FAT3: variants seen among roughly 807,000 people sequenced by gnomAD.
FAT3 encodes protocadherin Fat 3.
A neutral mutation model predicts 310.2 loss-of-function variants in FAT3; 95 were observed. That is an observed-to-expected ratio of 0.31 (90% CI 0.26 to 0.36). FAT3 has a LOEUF of 0.36. Ranked by LOEUF, FAT3 falls within the 10% of genes least tolerant of loss-of-function variation. FAT3 has a pLI of 1.00. For synonymous variants in FAT3, 2,314 were observed against 2,192.9 expected, an observed-to-expected ratio of 1.06 and a Z score of -1.54; for missense variants, 5,408 against 5,715.6, an observed-to-expected ratio of 0.95 and a Z score of 1.74.
intron 2 of FAT3, among the ~76,000 whole-genome samples, chr11:92,369,440 C>T (rs1393456767): frequency 6.6e-6 from 1 of 152,142 alleles, no homozygotes. Context: ...TGTTACTGAA[C>T]CAACAGACAA....
chr11:92,585,579 GT>G (rs1327631361), intron 3 of FAT3, among the ~76,000 whole-genome samples: 1 of 151,996 alleles, frequency 6.6e-6, no homozygotes. Context: ...TGCTTTACAT[GT>G]ATGAACATGT....
At chr11:92,229,507 G>GTTTTTTTTTTTTTTTTTTTTTTT (rs1565339350) in intron 1 of FAT3, among the ~76,000 whole-genome samples, 1 of 58,160 alleles carries the variant, frequency 1.7e-5, no homozygotes, top group African/African-American at 6.4e-5. Flanking sequence ...TTTTTTTTTT[G>GTTTTTTTTTTTTTTTTTTTTTTT]TTTTTTGTTT....
At chr11:92,534,031 T>C (rs1007988172) in intron 3 of FAT3, among the ~76,000 whole-genome samples, 16 of 152,344 alleles carry the variant, frequency 1.1e-4, no homozygotes, top group Admixed American at 6.5e-4. Context: ...ACTACATTGC[T>C]TTATTACTTT....
chr11:92,727,538 A>G (rs993925761), intron 4 of FAT3, among the ~76,000 whole-genome samples: 1 of 152,222 alleles, frequency 6.6e-6, no homozygotes, highest in Non-Finnish European at 1.5e-5. Context: ...AAAATTATAT[A>G]ATAGAAAATG....
rs1406841657 is a variant in FAT3 at position 92,441,280 on chromosome 11, TGG to T, written c.3293-83353_3293-83352del. Among the ~76,000 whole-genome samples the T allele has an allele frequency of 7.9e-5, 12 of 152,346 alleles. No homozygotes were observed. In the East Asian group the frequency reaches 2.1e-3, roughly 27 times the overall value. ...TTTAGTGTTGGTTTACTTTTATCTG[TGG>T]CTGTTTTGGCAGCAGGAATTATATC... On this transcript the variant is annotated intron_variant, in intron 2 of 27. Coordinates refer to ENST00000525166, the MANE Select transcript of FAT3 (RefSeq NM_001367949.2).
chr11:92,245,782 GT>G, intron 1 of FAT3, among the ~76,000 whole-genome samples: 1 of 152,174 alleles, frequency 6.6e-6, no homozygotes, highest in Non-Finnish European at 1.5e-5. Flanking sequence ...GATTTGGCCA[GT>G]GAGCTGTAGT....
At chr11:92,840,145 T>G (rs1948500621) in intron 17 of FAT3, among the ~76,000 whole-genome samples, 1 of 152,182 alleles carries the variant, frequency 6.6e-6, no homozygotes, top group South Asian at 2.1e-4. Flanking sequence ...GTGTTGGGCC[T>G]CAGCATAATT....
chr11:92,760,600 C>T (rs1463803947), intron 4 of FAT3, among the ~76,000 whole-genome samples: 1 of 152,136 alleles, frequency 6.6e-6, no homozygotes, highest in African/African-American at 2.4e-5. Flanking sequence ...CTAGCTTTAC[C>T]ACTTATTAAC....
chr11:92,691,395 G>A (rs892486515), intron 3 of FAT3, among the ~76,000 whole-genome samples: 1 of 152,044 alleles, frequency 6.6e-6, no homozygotes, highest in Non-Finnish European at 1.5e-5. Context: ...TTTGGTTTAC[G>A]AGGTTTCTTT....
chr11:92,598,320 G>T (rs1206429657), intron 3 of FAT3, among the ~76,000 whole-genome samples: 1 of 150,458 alleles, frequency 6.6e-6, no homozygotes, highest in African/African-American at 2.5e-5. Context: ...TTGTATCCTG[G>T]GCTCAAGCAA....
At chr11:92,311,992 GA>G (rs542400665) in intron 1 of FAT3, among the ~76,000 whole-genome samples, 2,185 of 147,778 alleles carry the variant, frequency 0.015, 41 homozygotes, top group African/African-American at 0.049. Flanking sequence ...AATAAACAAG[GA>G]AAAAAAAAAC....
At chr11:92,856,043 T>A (rs1948971647) in intron 19 of FAT3, among the ~76,000 whole-genome samples, 1 of 146,928 alleles carries the variant, frequency 6.8e-6, no homozygotes, top group Admixed American at 7.1e-5. Context: ...TGCAGTGGCA[T>A]AATCATAGCT....
chr11:92,570,091 A>G (rs1955618796), intron 3 of FAT3, among the ~76,000 whole-genome samples: 1 of 152,190 alleles, frequency 6.6e-6, no homozygotes. Flanking sequence ...GGTGCCATGT[A>G]GTAAAATTGA....
intron 3 of FAT3, among the ~76,000 whole-genome samples, chr11:92,645,130 C>T (rs561162416): frequency 8.5e-5 from 13 of 152,152 alleles, no homozygotes; most frequent in East Asian, 5.8e-4. Flanking sequence ...TTAAAATGTG[C>T]GAATACCAAA....
intron 13 of FAT3, among the ~76,000 whole-genome samples, chr11:92,813,412 T>C (rs1003605462): frequency 6.6e-6 from 1 of 152,168 alleles, no homozygotes; most frequent in African/African-American, 2.4e-5. Context: ...AGCTAGGAAA[T>C]TGATCTTGGT....
intron 1 of FAT3, among the ~76,000 whole-genome samples, chr11:92,272,402 T>A (rs993485766): frequency 6.6e-6 from 1 of 152,152 alleles, no homozygotes; most frequent in Non-Finnish European, 1.5e-5. Flanking sequence ...AGTAAATGCA[T>A]GACATATTGT....
At chr11:92,699,579 C>G in intron 4 of FAT3, among the ~76,000 whole-genome samples, 1 of 152,076 alleles carries the variant, frequency 6.6e-6, no homozygotes, top group East Asian at 1.9e-4. Flanking sequence ...ATCCCTAATT[C>G]AAAAATTCAA....
chr11:92,381,735 G>A (rs1195519669), intron 2 of FAT3, among the ~76,000 whole-genome samples: 1 of 151,718 alleles, frequency 6.6e-6, no homozygotes, highest in Admixed American at 6.6e-5. Context: ...GGATTTTTTG[G>A]TGAATTATAT....
chr11:92,508,095 T>C (rs909748679), intron 2 of FAT3, among the ~76,000 whole-genome samples: 8 of 152,152 alleles, frequency 5.3e-5, no homozygotes, highest in African/African-American at 1.9e-4. Flanking sequence ...CATACATAGT[T>C]GAAGGAAGAA....
Sources: allele counts gnomAD v4.1 joint callset (sites outside exome capture counted in the v4.1 genomes callset), GRCh38; gene constraint gnomAD v4.1.1; transcripts MANE v1.5; gene names NCBI Gene and HGNC (gene_info 2026-07-23, HGNC 2026-07-21).